Variants in ALAS1 observed in about 807,000 individuals in gnomAD.
ALAS1 encodes the protein 5'-aminolevulinate synthase 1, also known as 5-aminolevulinate synthase, non-specific, mitochondrial.
ALAS1 carries 29 observed loss-of-function variants against 59.6 expected under a neutral mutation model. The ratio of observed to expected loss-of-function variants is 0.49; its 90% confidence interval spans 0.36 to 0.66. The LOEUF is 0.66. ALAS1 is among the 30% of genes least tolerant of loss of function. ALAS1 has a pLI of 0.00. For missense variants in ALAS1, 690 were observed against 807.5 expected (o/e 0.85, Z 1.76); for synonymous variants, 299 against 296.6 (o/e 1.01, Z -0.08).
In ALAS1 at chr3:52,204,759, C is replaced by G. The variant is rs1699258972; in HGVS notation, c.644C>G (p.Thr215Ser). ...ATTGATGAGAAAAAGAATGACCACACCTATCGAGTTTTTAAAACTGTGAAC... is the reference window on the plus strand; with the variant it reads ...ATTGATGAGAAAAAGAATGACCACAGCTATCGAGTTTTTAAAACTGTGAAC... ...KKIDEKKNDH[T>S]YRVFKTVNRR... Residue 215 changes from threonine (T) to serine (S), a missense_variant, in exon 6 of 12, where the codon ACC (threonine) becomes AGC (serine). Physicochemically the swap from Thr to Ser is moderately conservative, Grantham distance 58 (BLOSUM62 1). Coordinates refer to ENST00000484952, the MANE Select transcript of ALAS1 (RefSeq NM_000688.6). 6.2e-7 allele frequency: 1 copy of G among 1,614,144 alleles called. No homozygotes were observed.
At chr3:52,199,729 A>G (rs1304711088) in intron 3 of ALAS1, among the ~76,000 whole-genome samples, 2 of 152,264 alleles carry the variant, frequency 1.3e-5, no homozygotes, top group Admixed American at 6.5e-5. Context: ...CCTCGTTCAC[A>G]TAAATATTAA....
chr3:52,207,948 T>G (rs113136925), intron 8 of ALAS1, 135 bp from the exon 9 acceptor site: 2 of 989,186 alleles, frequency 2.0e-6, no homozygotes, highest in African/African-American at 1.7e-5. Flanking sequence ...ACCTAGAAAT[T>G]AGAGGAAGTT....
intron 8 of ALAS1, 124 bp from the exon 9 acceptor site, chr3:52,207,959 C>A: frequency 9.2e-7 from 1 of 1,085,338 alleles, no homozygotes. Flanking sequence ...AGAGGAAGTT[C>A]ATTTTCTTTC....
At chr3:52,209,408 C>T (rs370952902) in intron 9 of ALAS1, among the ~76,000 whole-genome samples, 55 of 152,204 alleles carry the variant, frequency 3.6e-4, no homozygotes, top group African/African-American at 1.2e-3. Context: ...GGGGTTTCAC[C>T]GTGTTAGCCA....
At position 52,198,832 on chromosome 3, in the gene ALAS1, T is replaced by G. The variant is rs1381206380; in HGVS notation, c.-49T>G. On this transcript the variant is annotated 5_prime_UTR_variant, in exon 2 of 12. Coordinates refer to ENST00000484952, the MANE Select transcript of ALAS1 (RefSeq NM_000688.6). ...TTCCCTGCCTGGATGGATGAGTGGCTTCTTCTCCACCTAGATGTAAGCCAA... is the reference window on the plus strand; with the variant it reads ...TTCCCTGCCTGGATGGATGAGTGGCGTCTTCTCCACCTAGATGTAAGCCAA... 6.5e-7 allele frequency: 1 copy of G among 1,535,680 alleles called. No individual in the cohort carries two copies. Among genetic ancestry groups the G allele is most frequent in the East Asian group, 2.4e-5 (1 of 40,912 alleles).
rs765260080 is a variant in ALAS1, at chr3:52,211,478, A to G, written c.1526A>G (p.Lys509Arg). Residue 509 changes from lysine (K) to arginine (R), a missense_variant, in exon 10 of 12, where the codon AAA (lysine) becomes AGA (arginine). By Grantham distance (26) the Lys-to-Arg change is conservative. Coordinates refer to ENST00000484952, the MANE Select transcript of ALAS1 (RefSeq NM_000688.6). ...CGCCGCCAGCACCAGCGCAACGTCAAACTCATGAGACAGATGCTAATGGAT... is the reference window on the plus strand; with the variant it reads ...CGCCGCCAGCACCAGCGCAACGTCAGACTCATGAGACAGATGCTAATGGAT... ...VLRRQHQRNVKLMRQMLMDAG... is the reference protein window; with the variant it reads ...VLRRQHQRNVRLMRQMLMDAG... 1.9e-6 allele frequency: 3 copies of G among 1,614,240 alleles called. No homozygotes were observed. The highest frequency in any genetic ancestry group is 1.1e-5 in the South Asian group (1 of 91,080).
In ALAS1 at chr3:52,212,332, C is replaced by CAATTACCCTA. The variant is rs761484306; in HGVS notation, c.1675_1684dup (p.Thr562LysfsTer30). On this transcript the variant is annotated frameshift_variant, in exon 11 of 12. Transcript: ENST00000484952. LOFTEE classifies it high-confidence loss of function. ...GACATAACATCTACGTGCAAGCAAT[C>CAATTACCCTA]AATTACCCTACGGTGCCCCGGGGAG... 3 of 1,614,170 alleles carry CAATTACCCTA rather than the reference C, an allele frequency of 1.9e-6. No homozygotes were observed. The South Asian group carries it at 3.3e-5, about 18-fold the overall frequency.
In ALAS1 at chr3:52,211,468, C is replaced by G. The variant is rs760203277; in HGVS notation, c.1516C>G (p.Arg506Gly). The G allele has an allele frequency of 8.7e-6, 14 of 1,614,124 alleles. No homozygotes were observed. Among genetic ancestry groups the G allele is most frequent in the Admixed American group, 1.7e-5 (1 of 60,014 alleles). ...EGRVLRRQHQ[R>G]NVKLMRQMLM... ...ACGGGTGCTTCGCCGCCAGCACCAG[C>G]GCAACGTCAAACTCATGAGACAGAT... The change falls in exon 10 of 12, where the codon CGC becomes GGC. Residue 506 changes from arginine (R) to glycine (G), a missense_variant. Arg to Gly is a moderately radical substitution (Grantham distance 125, BLOSUM62 -2). Coordinates refer to ENST00000484952, the MANE Select transcript of ALAS1 (RefSeq NM_000688.6).
intron 1 of ALAS1, 60 bp from the exon 2 acceptor site, chr3:52,198,612 G>A (rs1699119498): frequency 3.3e-6 from 2 of 603,450 alleles, no homozygotes; most frequent in South Asian, 2.0e-5. Context: ...CGCGTCCCCA[G>A]TGAGGCCCAA....
chr3:52,213,394 T>C (rs1433607570), intron 11 of ALAS1, among the ~76,000 whole-genome samples: 1 of 152,240 alleles, frequency 6.6e-6, no homozygotes, highest in African/African-American at 2.4e-5. Context: ...CCTACAGGCC[T>C]GTGAAATCAA....
Position 52,198,661 on chromosome 3 carries a change from T to C in ALAS1, c.-209-11T>C, listed in dbSNP as rs955573347. 1.2e-5 allele frequency: 9 copies of C among 763,682 alleles called. No homozygotes were observed. The Admixed American group carries it at 2.1e-4, about 18-fold the overall frequency. 47.3% of individuals were successfully genotyped at this position (763,682 alleles called of 1,614,324 possible). On this transcript the variant is annotated splice_polypyrimidine_tract_variant and intron_variant, in intron 1 of 11. Transcript: ENST00000484952. The stretch of plus-strand genomic sequence containing the variant: ...ATACCCCTACCCTCATTTGTGCCCC[T>C]CCTTTCTCAGTTATGCCCAGTTCTT...
chr3:52,204,944 C>T (rs1271674780), intron 6 of ALAS1, 29 bp downstream of exon 6: 1 of 1,575,202 alleles, frequency 6.3e-7, no homozygotes, highest in Non-Finnish European at 8.7e-7. Context: ...TCAAATATTA[C>T]TGTTGTTATT....
chr3:52,213,902 T>A, intron 11 of ALAS1, 118 bp from the exon 12 acceptor site: 1 of 925,698 alleles, frequency 1.1e-6, no homozygotes, highest in Non-Finnish European at 1.6e-6. Flanking sequence ...TTTCTCTTGT[T>A]AACTATTATG....
At chr3:52,200,187 A>G (rs352171) in intron 3 of ALAS1, among the ~76,000 whole-genome samples, 73,440 of 151,972 alleles carry the variant, frequency 0.48, 18,130 homozygotes, top group Non-Finnish European at 0.53. Context: ...AATGCCCAAG[A>G]AAAATTACCA....
chr3:52,211,407 C>T lies in ALAS1; in HGVS notation c.1455C>T (p.Ala485=). The change falls in exon 10 of 12, where the codon GCC becomes GCT. Residue 485 remains alanine, a synonymous_variant. Transcript: ENST00000484952. Reference sequence around the variant, plus strand: ...TGCCACCCATGCTGCTGGCTGGAGCCCTGGAGTCTGTGCGGATCCTGAAGA... The same window carrying T: ...TGCCACCCATGCTGCTGGCTGGAGCTCTGGAGTCTGTGCGGATCCTGAAGA... ...TSLPPMLLAG[A]LESVRILKSA... 1 of 1,614,222 alleles carries T rather than the reference C, an allele frequency of 6.2e-7. No homozygotes were observed. Among genetic ancestry groups the T allele is most frequent in the South Asian group, 1.1e-5 (1 of 91,092 alleles).
intron 9 of ALAS1, among the ~76,000 whole-genome samples, chr3:52,210,451 T>C (rs1699382138): frequency 6.6e-6 from 1 of 152,120 alleles, no homozygotes; most frequent in South Asian, 2.1e-4. Flanking sequence ...GCAAGACCCT[T>C]TTGTAACTTT....
chr3:52,200,523 A>C (rs1296507640), intron 3 of ALAS1, among the ~76,000 whole-genome samples: 3 of 152,208 alleles, frequency 2.0e-5, no homozygotes, highest in Non-Finnish European at 4.4e-5. Context: ...TGATCACCTG[A>C]GGCCAGGAGT....
At chr3:52,204,955 T>G in intron 6 of ALAS1, 40 bp downstream of exon 6, 1 of 1,557,040 alleles carries the variant, frequency 6.4e-7, no homozygotes, top group Non-Finnish European at 8.8e-7. Flanking sequence ...TGTTGTTATT[T>G]GGCAAGCCAA....
intron 11 of ALAS1, among the ~76,000 whole-genome samples, chr3:52,213,145 G>A (rs76506183): frequency 0.021 from 3,149 of 152,238 alleles, 101 homozygotes; most frequent in African/African-American, 0.071. Context: ...ACACCTAATC[G>A]CCTCTGATAA....
Sources: gnomAD v4.1 joint callset for allele counts (sites outside exome capture counted in the v4.1 genomes callset) on GRCh38, gnomAD v4.1.1 for gene constraint, MANE v1.5 for transcripts, NCBI Gene and HGNC (gene_info 2026-07-23, HGNC 2026-07-21) for gene names.